The following PPP2CB variants were observed in gnomAD, a reference collection of about 807,000 sequenced individuals.
PPP2CB encodes protein phosphatase 2 catalytic subunit beta.
In PPP2CB, 18 loss-of-function variants were observed where a neutral mutation model predicts 39.1. That is an observed-to-expected ratio of 0.46 (90% CI 0.32 to 0.68). The LOEUF is 0.68. Among genes scored for constraint, PPP2CB ranks in the 30% least tolerant of loss-of-function variants. The pLI is 0.04. For missense variants in PPP2CB, 226 were observed against 396.9 expected (o/e 0.57, Z 3.66); for synonymous variants, 129 against 133.8 (o/e 0.96, Z 0.25).
intron 1 of PPP2CB, among the ~76,000 whole-genome samples, chr8:30,803,319 G>C (rs1456029628): frequency 6.6e-6 from 1 of 152,022 alleles, no homozygotes; most frequent in East Asian, 1.9e-4. Context: ...GAGGCAGAAG[G>C]ATCACTTGAG....
At chr8:30,787,216 C>T (rs1447371051) in intron 6 of PPP2CB, among the ~76,000 whole-genome samples, 1 of 152,184 alleles carries the variant, frequency 6.6e-6, no homozygotes, top group Non-Finnish European at 1.5e-5. Flanking sequence ...GTATTCGTAA[C>T]AAATGCTGGT....
intron 1 of PPP2CB, among the ~76,000 whole-genome samples, chr8:30,804,214 G>C (rs910519610): frequency 2.0e-5 from 3 of 152,156 alleles, no homozygotes; most frequent in African/African-American, 7.2e-5. Context: ...GATAAATCTA[G>C]CCTTGTTTTC....
At chr8:30,799,071 A>C (rs1048646282) in intron 2 of PPP2CB, among the ~76,000 whole-genome samples, 1 of 152,232 alleles carries the variant, frequency 6.6e-6, no homozygotes, top group Non-Finnish European at 1.5e-5. Context: ...GCAACAGGCA[A>C]TCAACAGGAA....
At chr8:30,796,405 G>A (rs1287262439) in intron 3 of PPP2CB, among the ~76,000 whole-genome samples, 2 of 151,796 alleles carry the variant, frequency 1.3e-5, no homozygotes, top group Non-Finnish European at 2.9e-5. Flanking sequence ...TTTTGAGATG[G>A]AGTCTCACTT....
chr8:30,798,431 T>G (rs565205910), intron 2 of PPP2CB, among the ~76,000 whole-genome samples: 2 of 152,158 alleles, frequency 1.3e-5, no homozygotes, highest in Non-Finnish European at 2.9e-5. Context: ...GTGTCTAACG[T>G]AAGTTTGGTG....
chr8:30,800,757 C>T (rs1806607709), intron 1 of PPP2CB, among the ~76,000 whole-genome samples: 1 of 152,178 alleles, frequency 6.6e-6, no homozygotes, highest in Non-Finnish European at 1.5e-5. Flanking sequence ...TTATTCTGGG[C>T]CTACTGTTAT....
Position 30,785,734 on chromosome 8 carries a change from G to C in PPP2CB, c.*501C>G. 1 of 253,334 alleles carries C rather than the reference G, an allele frequency of 3.9e-6. No homozygotes were observed. The highest frequency in any genetic ancestry group is 7.9e-6 in the Non-Finnish European group (1 of 127,380). The allele number at this position is 253,334 out of a possible 1,614,324, so 15.7% of individuals were successfully genotyped here. On this transcript the variant is annotated 3_prime_UTR_variant, in exon 7 of 7. Transcript: ENST00000221138. ...AAAACAGTAATTTAGTTTAAATGAA[G>C]GGAAATCTCTTTAAATGTTATGACA...
intron 1 of PPP2CB, among the ~76,000 whole-genome samples, chr8:30,808,753 TA>T (rs1306661783): frequency 5.3e-5 from 8 of 151,806 alleles, no homozygotes; most frequent in Non-Finnish European, 1.0e-4. Context: ...AGCCACTATA[TA>T]AAAAAAACTC....
chr8:30,808,558 T>C (rs575177793), intron 1 of PPP2CB, among the ~76,000 whole-genome samples: 3 of 152,364 alleles, frequency 2.0e-5, no homozygotes, highest in African/African-American at 7.2e-5. Flanking sequence ...AGATAGTTTA[T>C]ATAATTAGGT....
At position 30,812,769 on chromosome 8, in the gene PPP2CB, G is replaced by T. The variant is rs1448698346; in HGVS notation, c.-348C>A. 2.1e-6 allele frequency: 1 copy of T among 468,666 alleles called. No individual in the cohort carries two copies. The highest frequency in any genetic ancestry group is 4.3e-6 in the Non-Finnish European group (1 of 235,204). The allele number at this position is 468,666 out of a possible 1,614,324, so 29.0% of individuals were successfully genotyped here. A position where few individuals can be genotyped will look rare whatever the true frequency, so the allele number is the denominator to read the frequency against. ...CGAAGGCCGCCCGCTGCCGCTTCAG[G>T]CCCGCCTCACGCCTACCGGCCTCTC... On this transcript the variant is annotated 5_prime_UTR_variant, in exon 1 of 7. Transcript: ENST00000221138.
At chr8:30,788,428 A>G (rs549504980) in intron 6 of PPP2CB, among the ~76,000 whole-genome samples, 2 of 152,104 alleles carry the variant, frequency 1.3e-5, no homozygotes, top group African/African-American at 4.8e-5. Context: ...ATACCTGGCT[A>G]ATTTTTAAAT....
intron 6 of PPP2CB, among the ~76,000 whole-genome samples, chr8:30,787,582 G>T (rs561969477): frequency 6.6e-6 from 1 of 152,286 alleles, no homozygotes; most frequent in East Asian, 1.9e-4. Flanking sequence ...CAATCTGCCT[G>T]CCTTGGCTTC....
rs1220293834 is a variant in PPP2CB, at chr8:30,796,150, C to T, written c.486+1431G>A. ...AACAACCTTAATTAAAATTTAACAT[C>T]TTTTAAATTCACATTTTCTTTTAAC... On this transcript the variant is annotated intron_variant, in intron 3 of 6. Transcript: ENST00000221138. Among the ~76,000 whole-genome samples, 3 of 152,158 alleles carry T rather than the reference C, an allele frequency of 2.0e-5. No homozygotes were observed. In the East Asian group the frequency reaches 5.8e-4, roughly 29 times the overall value.
At chr8:30,798,976 G>A (rs1224792253) in intron 2 of PPP2CB, among the ~76,000 whole-genome samples, 2 of 152,210 alleles carry the variant, frequency 1.3e-5, no homozygotes, top group Non-Finnish European at 2.9e-5. Flanking sequence ...ATTTGAGCCA[G>A]AGTTTATGCT....
At chr8:30,805,404 C>T (rs1806704269) in intron 1 of PPP2CB, among the ~76,000 whole-genome samples, 1 of 151,790 alleles carries the variant, frequency 6.6e-6, no homozygotes, top group Admixed American at 6.6e-5. Context: ...ATTAAAAACA[C>T]AAAAAATTAG....
intron 1 of PPP2CB, among the ~76,000 whole-genome samples, chr8:30,805,887 T>C (rs1006044643): frequency 6.6e-6 from 1 of 152,068 alleles, no homozygotes; most frequent in African/African-American, 2.4e-5. Flanking sequence ...CAAAAGTATC[T>C]CAGTCAAAAA....
At chr8:30,804,445 C>T (rs1466570375) in intron 1 of PPP2CB, among the ~76,000 whole-genome samples, 1 of 152,192 alleles carries the variant, frequency 6.6e-6, no homozygotes, top group Non-Finnish European at 1.5e-5. Flanking sequence ...GATGATCCCA[C>T]TATCAGTTTG....
chr8:30,800,436 ATTC>A (rs1424464501), intron 1 of PPP2CB, among the ~76,000 whole-genome samples: 1 of 152,248 alleles, frequency 6.6e-6, no homozygotes, highest in African/African-American at 2.4e-5. Context: ...AATTATGCAA[ATTC>A]TTGTGTGAAC....
intron 5 of PPP2CB, among the ~76,000 whole-genome samples, chr8:30,792,593 G>A (rs1165485759): frequency 6.7e-6 from 1 of 149,136 alleles, no homozygotes; most frequent in East Asian, 2.0e-4. Flanking sequence ...ATAGACATAT[G>A]CCACCATGCC....
Sources: allele counts gnomAD v4.1 joint callset (sites outside exome capture counted in the v4.1 genomes callset), GRCh38; gene constraint gnomAD v4.1.1; transcripts MANE v1.5; gene names NCBI Gene and HGNC (gene_info 2026-07-23, HGNC 2026-07-21).